Variants in PTPRK observed in about 807,000 individuals in gnomAD.
PTPRK encodes the protein receptor-type tyrosine-protein phosphatase kappa.
Under a neutral mutation model 178.0 loss-of-function variants are expected in PTPRK, and 75 were observed. The ratio of observed to expected loss-of-function variants is 0.42; its 90% CI spans 0.35 to 0.51. The LOEUF is 0.51. Ranked by LOEUF, PTPRK falls within the 20% of genes least tolerant of loss-of-function variation. PTPRK has a pLI of 0.02. For missense variants in PTPRK, 1,441 were observed against 1,797.8 expected (o/e 0.80, Z 3.59); for synonymous variants, 637 against 620.6 (o/e 1.03, Z -0.39).
intron 1 of PTPRK, among the ~76,000 whole-genome samples, chr6:128,460,399 G>A (rs967384125): frequency 1.3e-5 from 2 of 152,006 alleles, no homozygotes; most frequent in African/African-American, 4.8e-5. Context: ...AAAATTAGCA[G>A]GGCATGGTGA....
chr6:128,514,580 A>G (rs965744080), intron 1 of PTPRK, among the ~76,000 whole-genome samples: 3 of 152,204 alleles, frequency 2.0e-5, no homozygotes, highest in African/African-American at 7.2e-5. Flanking sequence ...CATCATTTTC[A>G]TTATCAGAGC....
intron 5 of PTPRK, chr6:128,238,240 C>T: frequency 5.5e-6 from 2 of 361,510 alleles, no homozygotes. Context: ...GGGGAGAAAG[C>T]AACATAGAAG....
chr6:128,283,358 T>C (rs760964135), intron 3 of PTPRK, among the ~76,000 whole-genome samples: 1 of 152,170 alleles, frequency 6.6e-6, no homozygotes, highest in Admixed American at 6.5e-5. Context: ...CAAAAGTGAT[T>C]TAGGAGAGCT....
At chr6:128,518,539 TAAC>T (rs1478165332) in intron 1 of PTPRK, among the ~76,000 whole-genome samples, 1 of 152,220 alleles carries the variant, frequency 6.6e-6, no homozygotes, top group Non-Finnish European at 1.5e-5. Context: ...AACTTTCAAT[TAAC>T]AAACTACAAG....
intron 23 of PTPRK, 131 bp from the exon 24 acceptor site, chr6:127,983,111 C>A: frequency 7.8e-7 from 1 of 1,283,528 alleles, no homozygotes; most frequent in Non-Finnish European, 1.1e-6. Context: ...TTCTATATGA[C>A]TCAGCTAATA....
intron 2 of PTPRK, among the ~76,000 whole-genome samples, chr6:128,337,010 G>A (rs1831023783): frequency 6.6e-6 from 1 of 152,148 alleles, no homozygotes. Flanking sequence ...TGAATTCATA[G>A]CTCATTAACA....
At chr6:128,104,061 A>G (rs534442886) in intron 7 of PTPRK, among the ~76,000 whole-genome samples, 1 of 152,134 alleles carries the variant, frequency 6.6e-6, no homozygotes, top group Non-Finnish European at 1.5e-5. Context: ...ATGTTATTCT[A>G]CCAGATATTC....
At chr6:128,281,130 T>G (rs1315433664) in intron 3 of PTPRK, among the ~76,000 whole-genome samples, 4 of 152,264 alleles carry the variant, frequency 2.6e-5, no homozygotes, top group African/African-American at 9.6e-5. Flanking sequence ...TTTGATATCC[T>G]GCTGACCCCT....
chr6:128,386,658 A>C (rs763029694), intron 2 of PTPRK, among the ~76,000 whole-genome samples: 1 of 152,220 alleles, frequency 6.6e-6, no homozygotes, highest in African/African-American at 2.4e-5. Context: ...TTTCTAATGA[A>C]ATCTTCAAAT....
At position 128,322,320 on chromosome 6, in the gene PTPRK, C is replaced by A; in HGVS notation, c.224-10G>T. 6.5e-7 allele frequency: 1 copy of A among 1,549,810 alleles called. No homozygotes were observed. The highest frequency in any genetic ancestry group is 2.2e-5 in the East Asian group (1 of 44,556). ...ACTATCATATAGGAACCTGAAATGA[C>A]ATTACAAATAATAATGCTAAAGAGA... On this transcript the variant is annotated splice_polypyrimidine_tract_variant and intron_variant, in intron 2 of 29. Transcript: ENST00000368226.
intron 1 of PTPRK, chr6:128,491,841 GCA>G: frequency 1.9e-6 from 1 of 514,528 alleles, no homozygotes; most frequent in East Asian, 5.5e-5. Flanking sequence ...CCGACCACAA[GCA>G]CAGACACTGA....
chr6:128,217,225 G>A (rs1194565112), intron 6 of PTPRK, among the ~76,000 whole-genome samples: 2 of 152,206 alleles, frequency 1.3e-5, no homozygotes. Flanking sequence ...AAATACGGAA[G>A]TCAAATACTA....
chr6:128,286,683 C>T (rs116135667), intron 3 of PTPRK, among the ~76,000 whole-genome samples: 12 of 152,234 alleles, frequency 7.9e-5, no homozygotes, highest in South Asian at 2.1e-4. Flanking sequence ...CTTCTTTGCA[C>T]GCAGATTTTA....
intron 2 of PTPRK, among the ~76,000 whole-genome samples, chr6:128,328,197 C>A (rs936092341): frequency 6.6e-6 from 1 of 152,176 alleles, no homozygotes; most frequent in Non-Finnish European, 1.5e-5. Context: ...CCTCTACTGA[C>A]AAAGCTTAAC....
chr6:128,417,174 C>T (rs1487211246), intron 1 of PTPRK, among the ~76,000 whole-genome samples: 1 of 151,372 alleles, frequency 6.6e-6, no homozygotes, highest in African/African-American at 2.4e-5. Flanking sequence ...CTTGAGCTAA[C>T]ATTTACGTTT....
At chr6:128,316,650 T>G (rs1828028328) in intron 3 of PTPRK, among the ~76,000 whole-genome samples, 1 of 151,056 alleles carries the variant, frequency 6.6e-6, no homozygotes, top group Non-Finnish European at 1.5e-5. Context: ...CATTTTGTAA[T>G]AAAAGCAAAT....
chr6:128,172,600 T>C (rs1195891630), intron 7 of PTPRK, among the ~76,000 whole-genome samples: 1 of 151,636 alleles, frequency 6.6e-6, no homozygotes, highest in Non-Finnish European at 1.5e-5. Context: ...ATCAAAGTAA[T>C]ACTGATATGT....
At chr6:128,113,081 G>A (rs1325889035) in intron 7 of PTPRK, among the ~76,000 whole-genome samples, 8 of 151,956 alleles carry the variant, frequency 5.3e-5, no homozygotes, top group African/African-American at 1.9e-4. Flanking sequence ...ACGATTCTGA[G>A]ACCTCATCAA....
intron 14 of PTPRK, among the ~76,000 whole-genome samples, chr6:128,008,334 AT>A (rs1345338688): frequency 1.8e-4 from 4 of 21,710 alleles, no homozygotes; most frequent in Non-Finnish European, 1.6e-4. Flanking sequence ...GCTTATAAAT[AT>A]TTTTTTTAAA....
Sources: allele counts gnomAD v4.1 joint callset (sites outside exome capture counted in the v4.1 genomes callset), GRCh38; gene constraint gnomAD v4.1.1; transcripts MANE v1.5; gene names NCBI Gene and HGNC (gene_info 2026-07-23, HGNC 2026-07-21).